The following POLK variants were observed in gnomAD, a reference collection of about 807,000 sequenced individuals.
The protein encoded by POLK is polymerase (DNA directed) kappa.
In POLK, 76 loss-of-function variants were observed where a neutral mutation model predicts 94.0. The observed-to-expected ratio is 0.81, with a 90% confidence interval of 0.67 to 0.98. The LOEUF is 0.98. Among genes scored for constraint, POLK ranks in the 50% least tolerant of loss-of-function variants. The probability of loss-of-function intolerance (pLI) is 0.00; values close to 1 mark genes in which losing one functional copy is unlikely to be tolerated. For synonymous variants in POLK, 349 were observed against 325.4 expected (o/e 1.07, Z -0.78); for missense variants, 954 against 1,010.1 (o/e 0.94, Z 0.75).
chr5:75,559,325 C>T (rs1770821370), intron 3 of POLK, among the ~76,000 whole-genome samples: 1 of 152,034 alleles, frequency 6.6e-6, no homozygotes, highest in African/African-American at 2.4e-5. Flanking sequence ...TAAGTATACT[C>T]CACCCTTTCC....
At chr5:75,605,120 C>A (rs1300891058), downstream of POLK, among the ~76,000 whole-genome samples, 1 of 7,566 alleles carries the variant, frequency 1.3e-4, no homozygotes, top group African/African-American at 4.0e-4. Flanking sequence ...TATACACATA[C>A]ACACACACAC....
intron 1 of POLK, among the ~76,000 whole-genome samples, chr5:75,521,288 T>C (rs1265077252): frequency 6.6e-6 from 1 of 152,152 alleles, no homozygotes; most frequent in Non-Finnish European, 1.5e-5. Context: ...CATTCCTTTT[T>C]ATTATTTTTT....
At chr5:75,568,748 A>T (rs1771419290) in intron 3 of POLK, 2 of 403,178 alleles carry the variant, frequency 5.0e-6, no homozygotes, top group Non-Finnish European at 9.7e-6. Flanking sequence ...CAGTATCTTC[A>T]GTTGTACCTT....
intron 1 of POLK, among the ~76,000 whole-genome samples, chr5:75,524,882 A>G (rs974393307): frequency 1.3e-5 from 2 of 152,208 alleles, no homozygotes; most frequent in South Asian, 4.1e-4. Context: ...AGATAATGGA[A>G]ATTCTAAATG....
intron 3 of POLK, among the ~76,000 whole-genome samples, chr5:75,559,750 G>C (rs1390643389): frequency 6.6e-6 from 1 of 151,594 alleles, no homozygotes; most frequent in African/African-American, 2.4e-5. Flanking sequence ...ATATTGCCCA[G>C]GCCAGTCTCA....
chr5:75,579,857 G>A (rs1772108668), intron 6 of POLK, among the ~76,000 whole-genome samples: 1 of 151,316 alleles, frequency 6.6e-6, no homozygotes, highest in South Asian at 2.1e-4. Flanking sequence ...GACCACCCTG[G>A]GCAAGATTGT....
intron 1 of POLK, among the ~76,000 whole-genome samples, chr5:75,513,353 A>G (rs532177556): frequency 1.3e-5 from 2 of 152,062 alleles, no homozygotes; most frequent in Non-Finnish European, 2.9e-5. Flanking sequence ...GGACTCCTTT[A>G]TCTGTTGATT....
upstream of POLK, chr5:75,511,443 G>A: frequency 2.0e-6 from 3 of 1,527,686 alleles, no homozygotes; most frequent in Non-Finnish European, 2.6e-6. Flanking sequence ...CCAGCCGTCA[G>A]CCGCCGCCGC....
Position 75,572,628 on chromosome 5 carries a change from G to A in POLK, c.409-1110G>A, listed in dbSNP as rs1771653109. The stretch of plus-strand genomic sequence containing the variant: ...TATGCCTTAAAACCAATGAAGTTTA[G>A]TTGGTAGAAATATAAGAAAATCTTT... On this transcript the variant is annotated intron_variant, in intron 4 of 14. Coordinates refer to ENST00000241436, the Ensembl canonical transcript of POLK. Among the ~76,000 whole-genome samples, 4 of 152,084 alleles carry A rather than the reference G, an allele frequency of 2.6e-5. No individual in the cohort carries two copies. In the South Asian group the frequency reaches 8.3e-4, roughly 31 times the overall value.
upstream of POLK, chr5:75,511,377 GC>G: frequency 6.5e-7 from 1 of 1,546,462 alleles, no homozygotes; most frequent in Non-Finnish European, 8.7e-7. Flanking sequence ...CCGCCGCCGC[GC>G]CTGACACCGA....
chr5:75,608,189 CTTAA>C, the POLK span, among the ~76,000 whole-genome samples: 14 of 151,636 alleles, frequency 9.2e-5, no homozygotes, highest in East Asian at 3.9e-4. Flanking sequence ...CAGTAAGAAA[CTTAA>C]TTAATTTTTT....
intron 11 of POLK, among the ~76,000 whole-genome samples, chr5:75,591,551 G>A (rs1391255911): frequency 1.3e-5 from 2 of 152,096 alleles, no homozygotes; most frequent in East Asian, 3.8e-4. Flanking sequence ...TCAAAAATAA[G>A]AAACTGACAT....
intron 1 of POLK, among the ~76,000 whole-genome samples, chr5:75,535,641 TCA>T (rs757585537): frequency 1.3e-5 from 2 of 152,224 alleles, no homozygotes; most frequent in Non-Finnish European, 2.9e-5. Context: ...GAGGTTTTGT[TCA>T]GTCTTCTTTA....
In POLK at chr5:75,527,657, G is replaced by C. The variant is rs574197010; in HGVS notation, c.-14+15743G>C. On this transcript the variant is annotated intron_variant, in intron 1 of 14. Transcript: ENST00000241436. ...GTTGACATACCTGCTTTTCTTCTCC[G>C]AACCTGGTAGTTTTGCTTTCACTTA... 7.4e-4 allele frequency among the ~76,000 whole-genome samples: 113 copies of C among 151,886 alleles called. 1 individual carries two copies. Among genetic ancestry groups the C allele is most frequent in the African/African-American group, 2.6e-3 (109 of 41,406 alleles).
At chr5:75,578,841 T>C (rs991021552) in intron 6 of POLK, among the ~76,000 whole-genome samples, 5 of 152,244 alleles carry the variant, frequency 3.3e-5, no homozygotes, top group African/African-American at 1.2e-4. Context: ...AAATGTTTAC[T>C]CTCCCATGTA....
chr5:75,593,889 T>TA lies in POLK; in HGVS notation c.1369dup (p.Thr457AsnfsTer3), dbSNP rs1462413050. 6.4e-7 allele frequency: 1 copy of TA among 1,573,308 alleles called. No individual in the cohort carries two copies. The highest frequency in any genetic ancestry group is 1.4e-5 in the African/African-American group (1 of 73,980). On this transcript the variant is annotated frameshift_variant, in exon 12 of 15. Coordinates refer to ENST00000241436, the Ensembl canonical transcript of POLK. LOFTEE classifies it high-confidence loss of function. ...TGTATATGTTATAGGGTAGAACTGT[T>TA]ACCATTAAGTTGAAGAATGTGAATT...
intron 1 of POLK, among the ~76,000 whole-genome samples, chr5:75,535,153 G>A (rs909938936): frequency 1.3e-5 from 2 of 152,154 alleles, no homozygotes; most frequent in African/African-American, 4.8e-5. Context: ...AGGTATAGTG[G>A]TAACTAATTC....
chr5:75,529,202 C>T (rs181284128), intron 1 of POLK, among the ~76,000 whole-genome samples: 1 of 152,230 alleles, frequency 6.6e-6, no homozygotes, highest in African/African-American at 2.4e-5. Context: ...CCTCAGGAAG[C>T]TTCCAATCAT....
intron 6 of POLK, among the ~76,000 whole-genome samples, chr5:75,577,904 C>T (rs886989162): frequency 6.6e-6 from 1 of 152,086 alleles, no homozygotes; most frequent in African/African-American, 2.4e-5. Flanking sequence ...CATCATTTCT[C>T]GACACAGGCA....
Sources: allele counts gnomAD v4.1 joint callset (sites outside exome capture counted in the v4.1 genomes callset), GRCh38; gene constraint gnomAD v4.1.1; transcripts MANE v1.5; gene names NCBI Gene and HGNC (gene_info 2026-07-23, HGNC 2026-07-21).